NOL4: variants seen among roughly 807,000 people sequenced by gnomAD.
The protein encoded by NOL4 is nucleolar protein 4, also known as cancer/testis antigen 125.
In NOL4, 17 loss-of-function variants were observed where a neutral mutation model predicts 75.9. The ratio of observed to expected loss-of-function variants is 0.22; its 90% confidence interval spans 0.15 to 0.34. The LOEUF is 0.34. NOL4 is among the 10% of genes least tolerant of loss of function. NOL4 has a pLI of 1.00. For synonymous variants in NOL4, 292 were observed against 289.9 expected (o/e 1.01, Z -0.07); for missense variants, 614 against 793.5 (o/e 0.77, Z 2.72).
At chr18:33,988,310 T>C (rs542117045) in intron 6 of NOL4, among the ~76,000 whole-genome samples, 1 of 152,146 alleles carries the variant, frequency 6.6e-6, no homozygotes, top group South Asian at 2.1e-4. Flanking sequence ...CCTACTTCTA[T>C]ACATGGGAGT....
chr18:33,887,927 A>C (rs780940051), intron 9 of NOL4, among the ~76,000 whole-genome samples: 1 of 152,148 alleles, frequency 6.6e-6, no homozygotes, highest in Non-Finnish European at 1.5e-5. Context: ...TCCTTTGGGT[A>C]TATCCCCAGT....
At chr18:33,973,715 C>A (rs1248860292) in intron 6 of NOL4, among the ~76,000 whole-genome samples, 1 of 152,152 alleles carries the variant, frequency 6.6e-6, no homozygotes, top group East Asian at 1.9e-4. Flanking sequence ...GGTGACCAAG[C>A]GCACTGTGCG....
At chr18:34,216,914 C>A (rs1404440655) in intron 1 of NOL4, among the ~76,000 whole-genome samples, 1 of 151,968 alleles carries the variant, frequency 6.6e-6, no homozygotes, top group Non-Finnish European at 1.5e-5. Context: ...GTCGCATTGA[C>A]AATCTTATAT....
chr18:34,050,500 T>C (rs2076582856), intron 5 of NOL4, among the ~76,000 whole-genome samples: 1 of 152,116 alleles, frequency 6.6e-6, no homozygotes, highest in Non-Finnish European at 1.5e-5. Flanking sequence ...TATTATATAT[T>C]GTCTAGCTTC....
intron 6 of NOL4, among the ~76,000 whole-genome samples, chr18:33,976,338 T>A (rs2071485890): frequency 6.6e-6 from 1 of 152,170 alleles, no homozygotes; most frequent in South Asian, 2.1e-4. Flanking sequence ...ATGCATTTTA[T>A]TTGAAGCTAT....
At position 34,005,509 on chromosome 18, in the gene NOL4, C is replaced by T. The variant is rs564084442; in HGVS notation, c.1056+13809G>A. Among the ~76,000 whole-genome samples, 16 of 152,158 alleles carry T rather than the reference C, an allele frequency of 1.1e-4. No homozygotes were observed. The East Asian group carries it at 3.1e-3, about 30-fold the overall frequency. ...GGCCTCATCCTCACTATTGACCTCA[C>T]ATTGCCAGCTATCAGCCAAAATTAA... On this transcript the variant is annotated intron_variant, in intron 6 of 10. Transcript: ENST00000261592.
chr18:33,938,853 T>C (rs774708297), intron 9 of NOL4, among the ~76,000 whole-genome samples: 2 of 152,166 alleles, frequency 1.3e-5, no homozygotes, highest in Non-Finnish European at 2.9e-5. Context: ...TCTTTGTCCA[T>C]GCCTATGTCC....
chr18:34,022,514 G>A (rs1025358443), intron 5 of NOL4, among the ~76,000 whole-genome samples: 1 of 151,956 alleles, frequency 6.6e-6, no homozygotes, highest in African/African-American at 2.4e-5. Context: ...ATAAATGTGT[G>A]CATGTTCTTT....
Position 33,852,106 on chromosome 18 carries a change from A to C in NOL4, c.*736T>G, listed in dbSNP as rs2062652249. ...GTTGAGTGGGGTTTTTGAGATCAGC[A>C]TGAGAGCAGAAATGCAGGCTTCTCT... On this transcript the variant is annotated 3_prime_UTR_variant, in exon 11 of 11. Transcript: ENST00000261592. The C allele has an allele frequency of 6.6e-6, 1 of 152,498 alleles. No individual in the cohort carries two copies. The highest frequency in any genetic ancestry group is 2.4e-5 in the African/African-American group (1 of 41,420). 9.4% of individuals were successfully genotyped at this position (152,498 alleles called of 1,614,324 possible). A position where few individuals can be genotyped will look rare whatever the true frequency, so the allele number is the denominator to read the frequency against.
At chr18:34,207,253 C>T (rs1475526720) in intron 1 of NOL4, among the ~76,000 whole-genome samples, 1 of 151,784 alleles carries the variant, frequency 6.6e-6, no homozygotes, top group Non-Finnish European at 1.5e-5. Context: ...TTTTATATGC[C>T]AAATAATTTC....
chr18:33,985,719 C>T (rs2072385693), intron 6 of NOL4, among the ~76,000 whole-genome samples: 1 of 152,112 alleles, frequency 6.6e-6, no homozygotes, highest in East Asian at 1.9e-4. Context: ...GTAGCAAATG[C>T]TGTACATTCA....
In NOL4 at chr18:33,924,518, C is replaced by T. The variant is rs200689239; in HGVS notation, c.1542+18547G>A. ...GTGGGCTTCTCACTCAAAGCCTCTTCCCCTCCCTAAAAGTAAACTTTTTGT... is the reference window on the plus strand; with the variant it reads ...GTGGGCTTCTCACTCAAAGCCTCTTTCCCTCCCTAAAAGTAAACTTTTTGT... On this transcript the variant is annotated intron_variant, in intron 9 of 10. Transcript: ENST00000261592. Among the ~76,000 whole-genome samples, 25 of 152,258 alleles carry T rather than the reference C, an allele frequency of 1.6e-4. No individual in the cohort carries two copies. The South Asian group carries it at 3.7e-3, about 23-fold the overall frequency.
At chr18:33,924,156 G>C (rs927496388) in intron 9 of NOL4, among the ~76,000 whole-genome samples, 3 of 152,186 alleles carry the variant, frequency 2.0e-5, no homozygotes, top group African/African-American at 7.2e-5. Context: ...TATTCAGCCT[G>C]CTGCTATGAC....
intron 6 of NOL4, among the ~76,000 whole-genome samples, chr18:34,002,096 A>G (rs1600213098): frequency 6.6e-6 from 1 of 152,134 alleles, no homozygotes; most frequent in African/African-American, 2.4e-5. Flanking sequence ...AAGGCATTTT[A>G]AATTGTCTCC....
At chr18:34,075,424 C>G (rs1230212596) in intron 5 of NOL4, among the ~76,000 whole-genome samples, 8 of 152,072 alleles carry the variant, frequency 5.3e-5, no homozygotes, top group African/African-American at 1.4e-4. Context: ...GGTCTTTTTT[C>G]CCTCTGAGAA....
chr18:34,073,096 T>C (rs1210484622), intron 5 of NOL4, among the ~76,000 whole-genome samples: 1 of 151,928 alleles, frequency 6.6e-6, no homozygotes, highest in Non-Finnish European at 1.5e-5. Flanking sequence ...ATACAAAACA[T>C]ACAAAATACA....
At chr18:34,163,163 C>A (rs1281164838) in intron 1 of NOL4, among the ~76,000 whole-genome samples, 1 of 152,178 alleles carries the variant, frequency 6.6e-6, no homozygotes, top group Non-Finnish European at 1.5e-5. Flanking sequence ...TGGAAGCATT[C>A]CCTTTGAAAA....
Position 34,071,438 on chromosome 18 carries a change from GAC to G in NOL4, c.772+22025_772+22026del, listed in dbSNP as rs61428886. On this transcript the variant is annotated intron_variant, in intron 5 of 10. Coordinates refer to ENST00000261592, the MANE Select transcript of NOL4 (RefSeq NM_003787.5). Reference sequence around the variant, plus strand: ...ACACAAATAGACAGACAGACAGACAGACACACACACACACACACACACACACA... The same window carrying G: ...ACACAAATAGACAGACAGACAGACAGACACACACACACACACACACACACA... Among the ~76,000 whole-genome samples the G allele has an allele frequency of 8.5e-4, 125 of 147,766 alleles. 1 individual carries two copies. Among genetic ancestry groups the G allele is most frequent in the African/African-American group, 1.8e-3 (72 of 40,116 alleles).
rs2145757812 is a variant in NOL4, at chr18:34,112,379, A to C, written c.415-7219T>G. ...GTGAGACTGTCCCCCCCCAAAAAAAAAAGATATGGGGACAATATAAGTGTC... is the reference window on the plus strand; with the variant it reads ...GTGAGACTGTCCCCCCCCAAAAAAACAAGATATGGGGACAATATAAGTGTC... On this transcript the variant is annotated intron_variant, in intron 2 of 10. Coordinates refer to ENST00000261592, the MANE Select transcript of NOL4 (RefSeq NM_003787.5). Among the ~76,000 whole-genome samples the C allele has an allele frequency of 1.3e-5, 2 of 152,164 alleles. 1 individual carries two copies. The highest frequency in any genetic ancestry group is 4.1e-4 in the South Asian group (2 of 4,822).
Sources: allele counts gnomAD v4.1 joint callset (sites outside exome capture counted in the v4.1 genomes callset), GRCh38; gene constraint gnomAD v4.1.1; transcripts MANE v1.5; gene names NCBI Gene and HGNC (gene_info 2026-07-23, HGNC 2026-07-21).